TEX29: variants seen among roughly 807,000 people sequenced by gnomAD.
The protein encoded by TEX29 is testis-expressed protein 29.
In TEX29, 26 loss-of-function variants were observed where a neutral mutation model predicts 18.2. The ratio of observed to expected loss-of-function variants is 1.43; its 90% CI spans 1.04 to 1.98. TEX29 has a LOEUF of 1.98. Among genes scored for constraint, TEX29 ranks in the 30% most tolerant of loss-of-function variants. The pLI, the probability that TEX29 is intolerant of heterozygous loss-of-function variation, is 0.00. For missense variants in TEX29, 177 were observed against 194.2 expected, an observed-to-expected ratio of 0.91 and a Z score of 0.53; for synonymous variants, 83 against 78.5, an observed-to-expected ratio of 1.06 and a Z score of -0.31.
intron 4 of TEX29, 49 bp downstream of exon 4, chr13:111,339,981 C>A: frequency 6.4e-7 from 1 of 1,561,642 alleles, no homozygotes; most frequent in Non-Finnish European, 8.8e-7. Context: ...GGGGACTCAC[C>A]TCTCCTGGCC....
intron 3 of TEX29, among the ~76,000 whole-genome samples, chr13:111,329,686 C>T (rs915442471): frequency 4.6e-5 from 7 of 152,016 alleles, no homozygotes; most frequent in African/African-American, 1.4e-4. Context: ...GGCTGACTTG[C>T]GCTTCCAACT....
At position 111,342,921 on chromosome 13, in the gene TEX29, T is replaced by C; in HGVS notation, c.405T>C (p.Asp135=). ...GGCCCTCGATGAAGAGTGACGAGGA[T>C]AAGGATGATGGTGAGAAGCTTCTGG... ...SAGPSMKSDE[D]KDDVTGTITE... The change falls in exon 5 of 6, where the codon GAT becomes GAC. Residue 135 remains aspartate (D), a synonymous_variant. Coordinates refer to ENST00000283547, the MANE Select transcript of TEX29 (RefSeq NM_152324.3). 6.2e-7 allele frequency: 1 copy of C among 1,613,950 alleles called. No individual in the cohort carries two copies. The highest frequency in any genetic ancestry group is 8.5e-7 in the Non-Finnish European group (1 of 1,179,942).
At chr13:111,328,157 A>G (rs776717047) in intron 2 of TEX29, 26 bp from the exon 3 acceptor site, 4 of 1,498,852 alleles carry the variant, frequency 2.7e-6, no homozygotes, top group African/African-American at 2.7e-5. Flanking sequence ...CGGGGGTGAC[A>G]CTTGTGTATG....
intron 2 of TEX29, 88 bp downstream of exon 2, chr13:111,321,036 G>A (rs1035891924): frequency 2.9e-4 from 418 of 1,430,630 alleles, no homozygotes; most frequent in Non-Finnish European, 3.7e-4. Flanking sequence ...CCCCTGGCGC[G>A]GACAGGGGGT....
chr13:111,338,056 A>G (rs532287611), intron 3 of TEX29, among the ~76,000 whole-genome samples: 3 of 152,300 alleles, frequency 2.0e-5, no homozygotes, highest in East Asian at 3.9e-4. Flanking sequence ...TGATGAGTCC[A>G]GGGAGTGCGG....
rs772701280 is a variant in TEX29 at position 111,344,042 on chromosome 13, A to G, written c.416-41A>G. On this transcript the variant is annotated intron_variant, in intron 5 of 5. Coordinates refer to ENST00000283547, the MANE Select transcript of TEX29 (RefSeq NM_152324.3). Reference sequence around the variant, plus strand: ...TGAAATCTTTTCGGGACTGCTGAATATTCCATTTGAAAAAACAATTCTTCT... The same window carrying G: ...TGAAATCTTTTCGGGACTGCTGAATGTTCCATTTGAAAAAACAATTCTTCT... 7.8e-6 allele frequency: 12 copies of G among 1,533,236 alleles called. No homozygotes were observed. The South Asian group carries it at 1.1e-4, about 14-fold the overall frequency. The allele number at this position is 1,533,236 out of a possible 1,614,324, so 95.0% of individuals were successfully genotyped here.
chr13:111,336,463 T>G (rs2093689788), intron 3 of TEX29, among the ~76,000 whole-genome samples: 1 of 152,238 alleles, frequency 6.6e-6, no homozygotes, highest in African/African-American at 2.4e-5. Flanking sequence ...GAAGTGCACA[T>G]TGTGTTATGG....
chr13:111,324,856 C>T (rs1242216850), intron 2 of TEX29, among the ~76,000 whole-genome samples: 5 of 152,220 alleles, frequency 3.3e-5, no homozygotes, highest in African/African-American at 7.2e-5. Context: ...AAGAGACTTT[C>T]CATGGCCTTG....
At chr13:111,325,720 C>T (rs972551181) in intron 2 of TEX29, among the ~76,000 whole-genome samples, 4 of 152,118 alleles carry the variant, frequency 2.6e-5, no homozygotes, top group South Asian at 2.1e-4. Context: ...AATGGGACAC[C>T]GGAGGAGGCG....
chr13:111,335,702 G>A (rs1022460096), intron 3 of TEX29, among the ~76,000 whole-genome samples: 4 of 152,194 alleles, frequency 2.6e-5, no homozygotes, highest in African/African-American at 9.7e-5. Context: ...GCAATCGTTA[G>A]CATCCAAAAG....
chr13:111,342,333 C>T (rs1326019857), intron 4 of TEX29, among the ~76,000 whole-genome samples: 2 of 152,144 alleles, frequency 1.3e-5, no homozygotes, highest in East Asian at 3.9e-4. Flanking sequence ...ACACCTTCCC[C>T]CTGCCCGGAG....
At chr13:111,337,931 G>A (rs978453920) in intron 3 of TEX29, among the ~76,000 whole-genome samples, 5 of 152,154 alleles carry the variant, frequency 3.3e-5, no homozygotes, top group African/African-American at 1.2e-4. Context: ...CTCGGTATGA[G>A]GAAAATCGAG....
At chr13:111,333,319 C>G (rs1595689956) in intron 3 of TEX29, among the ~76,000 whole-genome samples, 1 of 152,150 alleles carries the variant, frequency 6.6e-6, no homozygotes, top group South Asian at 2.1e-4. Flanking sequence ...TTATCTTTCT[C>G]CTCTCCCTCT....
chr13:111,328,907 G>C (rs2093678506), intron 3 of TEX29, among the ~76,000 whole-genome samples: 1 of 152,230 alleles, frequency 6.6e-6, no homozygotes, highest in Non-Finnish European at 1.5e-5. Flanking sequence ...AAGGCTTCCG[G>C]AGGGAGGCGC....
At chr13:111,316,769 T>C (rs2093655319), upstream of TEX29, among the ~76,000 whole-genome samples, 1 of 152,232 alleles carries the variant, frequency 6.6e-6, no homozygotes, top group African/African-American at 2.4e-5. Flanking sequence ...TGAGTCTGTT[T>C]CACACTGCTA....
chr13:111,321,014 G>A (rs1439346433), intron 2 of TEX29, 66 bp downstream of exon 2: 1 of 1,503,160 alleles, frequency 6.7e-7, no homozygotes, highest in Non-Finnish European at 9.0e-7. Flanking sequence ...GCACAGGGAG[G>A]AGCTGTTTGA....
At chr13:111,336,264 C>G (rs1377881816) in intron 3 of TEX29, among the ~76,000 whole-genome samples, 1 of 152,238 alleles carries the variant, frequency 6.6e-6, no homozygotes, top group Non-Finnish European at 1.5e-5. Flanking sequence ...GGCAGTGGGC[C>G]CTGCCTTGGG....
At chr13:111,335,199 T>C (rs2153641861) in intron 3 of TEX29, among the ~76,000 whole-genome samples, 1 of 152,346 alleles carries the variant, frequency 6.6e-6, no homozygotes, top group Middle Eastern at 3.4e-3. Context: ...ATTATGGGCT[T>C]TACTGAAGCC....
At chr13:111,317,371 G>A (rs926708797), upstream of TEX29, among the ~76,000 whole-genome samples, 1 of 152,096 alleles carries the variant, frequency 6.6e-6, no homozygotes, top group Non-Finnish European at 1.5e-5. Flanking sequence ...TTGTGTGGTT[G>A]GCAGCAGCAT....
Sources: gnomAD v4.1 joint callset for allele counts (sites outside exome capture counted in the v4.1 genomes callset) on GRCh38, gnomAD v4.1.1 for gene constraint, MANE v1.5 for transcripts, NCBI Gene and HGNC (gene_info 2026-07-23, HGNC 2026-07-21) for gene names.